Variants in EGFLAM observed in about 807,000 individuals in gnomAD.
EGFLAM encodes pikachurin.
A neutral mutation model predicts 113.1 loss-of-function variants in EGFLAM; 79 were observed. The ratio of observed to expected loss-of-function variants is 0.70; its 90% CI spans 0.58 to 0.84. The LOEUF is 0.84. EGFLAM is among the 40% of genes least tolerant of loss of function. The probability of loss-of-function intolerance (pLI) is 0.00; values close to 1 mark genes in which losing one functional copy is unlikely to be tolerated. For synonymous variants in EGFLAM, 504 were observed against 487.6 expected (o/e 1.03, Z -0.44); for missense variants, 1,265 against 1,291.6 (o/e 0.98, Z 0.32).
chr5:38,263,393 G>A (rs573084237), intron 1 of EGFLAM, among the ~76,000 whole-genome samples: 1 of 152,256 alleles, frequency 6.6e-6, no homozygotes, highest in South Asian at 2.1e-4. Context: ...CCCTCAGAGA[G>A]GGAGGTTACC....
At chr5:38,447,738 C>G (rs1355054673) in intron 17 of EGFLAM, among the ~76,000 whole-genome samples, 2 of 141,094 alleles carry the variant, frequency 1.4e-5, no homozygotes, top group Middle Eastern at 3.6e-3. Flanking sequence ...CATGGGCAAC[C>G]AGAGCGAAAC....
chr5:38,297,034 C>T (rs61284451), intron 1 of EGFLAM, among the ~76,000 whole-genome samples: 6,012 of 152,012 alleles, frequency 0.04, 404 homozygotes, highest in African/African-American at 0.14. Context: ...TGAACGACAA[C>T]GAAAAATTTA....
intron 6 of EGFLAM, among the ~76,000 whole-genome samples, chr5:38,404,705 C>T (rs1348475714): frequency 2.0e-5 from 3 of 152,196 alleles, no homozygotes; most frequent in Non-Finnish European, 4.4e-5. Flanking sequence ...TGAGTGGCAG[C>T]ATCCTACCAA....
chr5:38,425,205 G>A (rs1741959393), intron 13 of EGFLAM, 113 bp downstream of exon 13: 2 of 1,463,534 alleles, frequency 1.4e-6, no homozygotes, highest in East Asian at 2.5e-5. Flanking sequence ...TTGAGACAAA[G>A]GCTCCCTCTC....
At chr5:38,460,816 G>A (rs1743246675) in intron 20 of EGFLAM, 1 of 152,246 alleles carries the variant, frequency 6.6e-6, no homozygotes, top group Non-Finnish European at 1.5e-5. Context: ...AGGCTCCAGG[G>A]TTAGAGATAG....
At chr5:38,359,524 A>C (rs1200080416) in intron 5 of EGFLAM, among the ~76,000 whole-genome samples, 1 of 152,124 alleles carries the variant, frequency 6.6e-6, no homozygotes, top group African/African-American at 2.4e-5. Flanking sequence ...AAAATACAAA[A>C]ATTAGCCGGG....
chr5:38,334,539 A>T (rs991218201), intron 1 of EGFLAM, among the ~76,000 whole-genome samples: 1 of 152,192 alleles, frequency 6.6e-6, no homozygotes, highest in Non-Finnish European at 1.5e-5. Flanking sequence ...CACATCTACA[A>T]ATATGATTAC....
intron 6 of EGFLAM, among the ~76,000 whole-genome samples, chr5:38,377,230 C>T (rs978757299): frequency 5.9e-5 from 9 of 152,044 alleles, no homozygotes; most frequent in African/African-American, 1.9e-4. Context: ...CTCCGCCCCC[C>T]AGGTTCAAGC....
At chr5:38,284,930 C>T (rs187091918) in intron 1 of EGFLAM, among the ~76,000 whole-genome samples, 1 of 152,116 alleles carries the variant, frequency 6.6e-6, no homozygotes, top group Non-Finnish European at 1.5e-5. Flanking sequence ...CTGATCCATA[C>T]CCCATTCTGC....
chr5:38,425,038 G>T lies in EGFLAM; in HGVS notation c.1756G>T (p.Asp586Tyr), dbSNP rs373444710. 2 of 1,614,058 alleles carry T rather than the reference G, an allele frequency of 1.2e-6. No individual in the cohort carries two copies. Among genetic ancestry groups the T allele is most frequent in the Admixed American group, 1.7e-5 (1 of 60,008 alleles). ...TGGCACCTGCACAGCAATCAAAGCC[G>T]ACTCCTACATTTGCCTCTGTCCCCT... is the stretch of plus-strand genomic sequence containing the variant. The part of the protein sequence containing the change: ...HGGTCTAIKA[D>Y]SYICLCPLGF... The change falls in exon 13 of 22, where the codon GAC becomes TAC. Residue 586 changes from aspartate to tyrosine, a missense_variant. Coordinates refer to ENST00000322350, the MANE Select transcript of EGFLAM (RefSeq NM_152403.4).
At position 38,407,523 on chromosome 5, in the gene EGFLAM, A is replaced by G. The variant is rs548968914; in HGVS notation, c.1148-282A>G. Among the ~76,000 whole-genome samples, 6 of 152,348 alleles carry G rather than the reference A, an allele frequency of 3.9e-5. No homozygotes were observed. In the South Asian group the frequency reaches 1.0e-3, roughly 26 times the overall value. ...CAACTTATATTACACAAAGGCCTGT[A>G]TAGCTGAGGGCAAGTGACAGTGGCC... On this transcript the variant is annotated intron_variant, in intron 8 of 21. Coordinates refer to ENST00000322350, the MANE Select transcript of EGFLAM (RefSeq NM_152403.4).
Position 38,464,277 on chromosome 5 carries a change from G to A in EGFLAM, c.*291G>A. 2.6e-6 allele frequency: 1 copy of A among 385,966 alleles called. No individual in the cohort carries two copies. The highest frequency in any genetic ancestry group is 4.7e-5 in the South Asian group (1 of 21,364). The allele number at this position is 385,966 out of a possible 1,614,324, so 23.9% of individuals were successfully genotyped here. ...AGATCACACATCAATGCAAATTCCA[G>A]AGCCTGTCTGCTATAGCTCAGTGAC... On this transcript the variant is annotated 3_prime_UTR_variant, in exon 22 of 22. Coordinates refer to ENST00000322350, the MANE Select transcript of EGFLAM (RefSeq NM_152403.4).
chr5:38,459,510 G>C (rs1037915708), intron 20 of EGFLAM, among the ~76,000 whole-genome samples: 1 of 152,008 alleles, frequency 6.6e-6, no homozygotes, highest in Non-Finnish European at 1.5e-5. Context: ...TTTCAGAAAC[G>C]AAATAGCAGG....
chr5:38,344,907 C>T (rs1041803314), intron 3 of EGFLAM, among the ~76,000 whole-genome samples: 4 of 152,198 alleles, frequency 2.6e-5, no homozygotes, highest in African/African-American at 9.6e-5. Flanking sequence ...CATAGGACCA[C>T]ACTTGGAAAG....
At chr5:38,318,764 A>G (rs1467416731) in intron 1 of EGFLAM, among the ~76,000 whole-genome samples, 1 of 152,046 alleles carries the variant, frequency 6.6e-6, no homozygotes, top group Non-Finnish European at 1.5e-5. Flanking sequence ...TCGGCCTCCC[A>G]AAGTGTCAGG....
chr5:38,317,475 G>A (rs779335013), intron 1 of EGFLAM, among the ~76,000 whole-genome samples: 5 of 152,232 alleles, frequency 3.3e-5, no homozygotes, highest in Non-Finnish European at 5.9e-5. Flanking sequence ...TAGGTCTGGG[G>A]GCAGCGGACT....
chr5:38,417,347 C>CAAAAAAAAAAAAAAAAAA (rs752613827), intron 11 of EGFLAM, among the ~76,000 whole-genome samples: 2 of 78,470 alleles, frequency 2.5e-5, no homozygotes, highest in Non-Finnish European at 4.5e-5. Context: ...GACTCTGTCT[C>CAAAAAAAAAAAAAAAAAA]AAAAAAAAAA....
intron 1 of EGFLAM, among the ~76,000 whole-genome samples, chr5:38,329,034 C>G (rs1738967326): frequency 6.6e-6 from 1 of 152,020 alleles, no homozygotes; most frequent in Admixed American, 6.6e-5. Flanking sequence ...ATGCCGTAAT[C>G]CCACACTTTT....
intron 5 of EGFLAM, among the ~76,000 whole-genome samples, chr5:38,358,462 A>T (rs1739826460): frequency 6.6e-6 from 1 of 151,542 alleles, no homozygotes; most frequent in African/African-American, 2.4e-5. Context: ...AAAAAAAAAA[A>T]AAAAAAGATT....
Sources: allele counts gnomAD v4.1 joint callset (sites outside exome capture counted in the v4.1 genomes callset), GRCh38; gene constraint gnomAD v4.1.1; transcripts MANE v1.5; gene names NCBI Gene and HGNC (gene_info 2026-07-23, HGNC 2026-07-21).